GRID2: variants seen among roughly 807,000 people sequenced by gnomAD.
GRID2 encodes the protein glutamate ionotropic receptor delta type subunit 2.
GRID2 carries 33 observed loss-of-function variants against 114.8 expected under a neutral mutation model. The ratio of observed to expected loss-of-function variants is 0.29; its 90% CI spans 0.22 to 0.38. The LOEUF (loss-of-function observed/expected upper bound fraction) is 0.38. GRID2 is among the 10% of genes least tolerant of loss of function. The pLI is 1.00. For synonymous variants in GRID2, 505 were observed against 449.9 expected, an observed-to-expected ratio of 1.12 and a Z score of -1.55; for missense variants, 1,184 against 1,257.7, an observed-to-expected ratio of 0.94 and a Z score of 0.89.
chr4:92,549,230 A>G (rs984334565), intron 1 of GRID2, among the ~76,000 whole-genome samples: 1 of 152,086 alleles, frequency 6.6e-6, no homozygotes, highest in Non-Finnish European at 1.5e-5. Context: ...TAACACTTAA[A>G]TATTTGTTGG....
intron 1 of GRID2, among the ~76,000 whole-genome samples, chr4:92,538,478 C>T (rs1725761354): frequency 1.3e-5 from 2 of 152,118 alleles, no homozygotes; most frequent in Non-Finnish European, 2.9e-5. Context: ...AAAGGAAATG[C>T]ATTTGCCTAT....
intron 2 of GRID2, among the ~76,000 whole-genome samples, chr4:93,048,407 G>T (rs988234763): frequency 9.9e-5 from 15 of 151,720 alleles, no homozygotes; most frequent in African/African-American, 3.1e-4. Flanking sequence ...GGAGAGTCAG[G>T]TACCTGATTC....
intron 8 of GRID2, among the ~76,000 whole-genome samples, chr4:93,255,430 G>A (rs990904143): frequency 1.3e-5 from 2 of 151,932 alleles, no homozygotes; most frequent in African/African-American, 2.4e-5. Flanking sequence ...AGGAGAAAAC[G>A]TTTTTGTTTT....
chr4:93,118,683 C>T (rs113213454), intron 4 of GRID2, among the ~76,000 whole-genome samples: 20 of 152,010 alleles, frequency 1.3e-4, no homozygotes, highest in South Asian at 2.1e-4. Context: ...TTATTGAAAA[C>T]GGCTTACCAT....
intron 1 of GRID2, among the ~76,000 whole-genome samples, chr4:92,543,745 G>T (rs1726097980): frequency 6.6e-6 from 1 of 151,992 alleles, no homozygotes; most frequent in Admixed American, 6.6e-5. Context: ...ATTTTATGTT[G>T]GTACATGAGA....
At chr4:93,309,541 A>T (rs867522143) in intron 8 of GRID2, among the ~76,000 whole-genome samples, 44 of 151,280 alleles carry the variant, frequency 2.9e-4, no homozygotes, top group Admixed American at 1.1e-3. Context: ...TTGTCTCAAA[A>T]AATAATAATA....
At chr4:93,597,663 C>G (rs1739237187) in intron 13 of GRID2, among the ~76,000 whole-genome samples, 1 of 152,166 alleles carries the variant, frequency 6.6e-6, no homozygotes, top group Admixed American at 6.5e-5. Flanking sequence ...TCTCAAAACC[C>G]AGAAGTCCCA....
intron 13 of GRID2, among the ~76,000 whole-genome samples, chr4:93,522,586 T>A (rs1421042752): frequency 1.3e-5 from 2 of 152,046 alleles, no homozygotes; most frequent in Admixed American, 6.6e-5. Flanking sequence ...ACATAATTAT[T>A]GTTATGAATC....
intron 1 of GRID2, among the ~76,000 whole-genome samples, chr4:92,308,458 T>C (rs546445919): frequency 2.0e-5 from 3 of 152,150 alleles, no homozygotes; most frequent in Non-Finnish European, 4.4e-5. Context: ...AAAAGATGCA[T>C]TTATTCATGT....
intron 1 of GRID2, among the ~76,000 whole-genome samples, chr4:92,349,744 A>T (rs1167764065): frequency 6.6e-6 from 1 of 151,806 alleles, no homozygotes; most frequent in African/African-American, 2.4e-5. Flanking sequence ...ACAATTGAGG[A>T]TGTTTGGAAT....
chr4:92,594,909 G>T (rs1728876884), intron 2 of GRID2, among the ~76,000 whole-genome samples: 1 of 151,918 alleles, frequency 6.6e-6, no homozygotes, highest in African/African-American at 2.4e-5. Context: ...AATGGGCCAT[G>T]AAAGGTGGAA....
intron 3 of GRID2, among the ~76,000 whole-genome samples, chr4:93,098,485 T>C (rs955892190): frequency 6.6e-6 from 1 of 151,928 alleles, no homozygotes; most frequent in Non-Finnish European, 1.5e-5. Flanking sequence ...ACTGAAATAA[T>C]ACAGAAACCA....
At chr4:92,888,749 T>C (rs1033094467) in intron 2 of GRID2, among the ~76,000 whole-genome samples, 4 of 151,908 alleles carry the variant, frequency 2.6e-5, no homozygotes, top group African/African-American at 9.7e-5. Context: ...CTTCAAACAT[T>C]TTTATAATAT....
intron 14 of GRID2, among the ~76,000 whole-genome samples, chr4:93,690,861 ATATGT>A (rs904689977): frequency 1.5e-4 from 22 of 149,372 alleles, no homozygotes; most frequent in East Asian, 3.9e-4. Flanking sequence ...TTTATATATA[ATATGT>A]TATAACATTT....
chr4:92,958,460 A>T (rs1752575595), intron 2 of GRID2, among the ~76,000 whole-genome samples: 2 of 152,070 alleles, frequency 1.3e-5, no homozygotes, highest in African/African-American at 4.8e-5. Context: ...TGTTGATATG[A>T]TGGACCATAT....
intron 2 of GRID2, among the ~76,000 whole-genome samples, chr4:92,676,235 C>A (rs1265058982): frequency 8.3e-5 from 3 of 36,354 alleles, no homozygotes; most frequent in Non-Finnish European, 1.4e-4. Context: ...GGCTGGAGTG[C>A]AGTGGCGCTA....
At chr4:92,891,816 A>T (rs2149470115) in intron 2 of GRID2, among the ~76,000 whole-genome samples, 1 of 152,252 alleles carries the variant, frequency 6.6e-6, no homozygotes, top group South Asian at 2.1e-4. Context: ...TTGCACATAT[A>T]ATGATTTTCA....
At chr4:92,678,480 A>G (rs1318730416) in intron 2 of GRID2, among the ~76,000 whole-genome samples, 2 of 152,044 alleles carry the variant, frequency 1.3e-5, no homozygotes, top group Non-Finnish European at 2.9e-5. Context: ...AAGAAATCTC[A>G]CTCAAAGTCT....
intron 13 of GRID2, among the ~76,000 whole-genome samples, chr4:93,613,533 C>G (rs1741205197): frequency 1.4e-5 from 1 of 70,048 alleles, no homozygotes; most frequent in African/African-American, 5.6e-5. Flanking sequence ...TTCTAACAGA[C>G]AGGACCCTCA....
Sources: allele counts gnomAD v4.1 joint callset (sites outside exome capture counted in the v4.1 genomes callset), GRCh38; gene constraint gnomAD v4.1.1; transcripts MANE v1.5; gene names NCBI Gene and HGNC (gene_info 2026-07-23, HGNC 2026-07-21).